UNC13C: variants seen among roughly 807,000 people sequenced by gnomAD.
UNC13C encodes the protein unc-13 homolog C, also known as protein unc-13 homolog C.
A neutral mutation model predicts 245.4 loss-of-function variants in UNC13C; 174 were observed. The ratio of observed to expected loss-of-function variants is 0.71; its 90% CI spans 0.63 to 0.80. UNC13C has a LOEUF of 0.80. Ranked by LOEUF, UNC13C falls within the 30% of genes least tolerant of loss-of-function variation. UNC13C has a pLI of 0.00. For synonymous variants in UNC13C, 992 were observed against 895.1 expected (o/e 1.11, Z -1.93); for missense variants, 2,829 against 2,602.9 (o/e 1.09, Z -1.89).
intron 16 of UNC13C, among the ~76,000 whole-genome samples, chr15:54,337,528 C>T (rs1207721352): frequency 2.0e-5 from 3 of 152,130 alleles, no homozygotes; most frequent in African/African-American, 7.2e-5. Context: ...CTGGAGTCAG[C>T]TCTCACACCA....
chr15:53,966,652 T>G, the UNC13C span, among the ~76,000 whole-genome samples: 3 of 151,396 alleles, frequency 2.0e-5, no homozygotes, highest in Non-Finnish European at 3.0e-5. Context: ...TGACTTAATC[T>G]TTTTTTTTGT....
chr15:54,008,927 G>T (rs535908965), intron 1 of UNC13C, among the ~76,000 whole-genome samples: 1 of 152,116 alleles, frequency 6.6e-6, no homozygotes, highest in Non-Finnish European at 1.5e-5. Context: ...GCATAATAAT[G>T]CCTTTTTTAA....
chr15:54,456,574 G>A (rs1003123264), intron 19 of UNC13C, among the ~76,000 whole-genome samples: 1 of 149,062 alleles, frequency 6.7e-6, no homozygotes, highest in African/African-American at 2.5e-5. Flanking sequence ...TCTTTTGTTA[G>A]GTTTACTCCT....
chr15:54,518,649 A>C (rs1895082594), intron 24 of UNC13C, among the ~76,000 whole-genome samples: 1 of 152,222 alleles, frequency 6.6e-6, no homozygotes, highest in African/African-American at 2.4e-5. Flanking sequence ...TACTAAGCAG[A>C]ATAGTCCTCA....
rs1391791699 is a variant in UNC13C, at chr15:54,478,382, A to G, written c.4934-16226A>G. Among the ~76,000 whole-genome samples, 2 of 119,062 alleles carry G rather than the reference A, an allele frequency of 1.7e-5. 1 individual carries two copies. The highest frequency in any genetic ancestry group is 3.6e-5 in the Non-Finnish European group (2 of 56,152). 78.1% of individuals were successfully genotyped at this position (119,062 alleles called of 152,430 possible). A position where few individuals can be genotyped will look rare whatever the true frequency, so the allele number is the denominator to read the frequency against. On this transcript the variant is annotated intron_variant, in intron 19 of 32. Coordinates refer to ENST00000260323, the MANE Select transcript of UNC13C (RefSeq NM_001080534.3). ...TGAATTTGTTTGTTCTTGCTTTTCT[A>G]GTCCTTTTAATTGTGATATTAGGGT...
chr15:53,896,684 T>C, the UNC13C span, among the ~76,000 whole-genome samples: 8 of 152,280 alleles, frequency 5.3e-5, no homozygotes, highest in African/African-American at 1.9e-4. Flanking sequence ...AAAGTATTCA[T>C]GTTTCTCAGC....
intron 7 of UNC13C, among the ~76,000 whole-genome samples, chr15:54,241,675 G>A (rs2035854803): frequency 6.6e-6 from 1 of 152,198 alleles, no homozygotes; most frequent in African/African-American, 2.4e-5. Context: ...AATAGCTTAT[G>A]TAGAAAGCTC....
At chr15:53,853,047 T>A in the UNC13C span, among the ~76,000 whole-genome samples, 1 of 152,004 alleles carries the variant, frequency 6.6e-6, no homozygotes, top group African/African-American at 2.4e-5. Context: ...CAATGGTACA[T>A]GTGTAGGATG....
chr15:54,382,536 C>T (rs137883595), intron 17 of UNC13C, among the ~76,000 whole-genome samples: 59 of 151,998 alleles, frequency 3.9e-4, no homozygotes, highest in African/African-American at 1.4e-3. Context: ...AACATTGAGC[C>T]GTTGCCCTCC....
At chr15:54,232,925 G>A (rs1288440279) in intron 4 of UNC13C, among the ~76,000 whole-genome samples, 1 of 152,146 alleles carries the variant, frequency 6.6e-6, no homozygotes, top group Non-Finnish European at 1.5e-5. Context: ...TTTTGAATGT[G>A]GAAGGGTCAA....
chr15:54,331,934 A>G (rs2038446899), intron 14 of UNC13C, 109 bp from the exon 15 acceptor site: 1 of 647,068 alleles, frequency 1.5e-6, no homozygotes, highest in South Asian at 3.0e-5. Flanking sequence ...AGTCATTGAT[A>G]TATTTGATCC....
Position 54,015,859 on chromosome 15 carries a change from G to A in UNC13C, c.2956G>A (p.Glu986Lys). Reference protein sequence around the residue: ...ALRAYKKQMAELEEKILAGDS... With the variant: ...ALRAYKKQMAKLEEKILAGDS... ...AAGGGCCTATAAAAAGCAAATGGCA[G>A]AGTTGGAAGAGAAGATCTTGGCTGG... Residue 986 changes from glutamate (E) to lysine (K), a missense_variant, in exon 2 of 33, where the codon GAG (glutamate) becomes AAG (lysine). Glu to Lys is a moderately conservative substitution (Grantham distance 56). Transcript: ENST00000260323. 1 of 1,596,266 alleles carries A rather than the reference G, an allele frequency of 6.3e-7. No individual in the cohort carries two copies. The highest frequency in any genetic ancestry group is 8.5e-7 in the Non-Finnish European group (1 of 1,172,806).
intron 4 of UNC13C, among the ~76,000 whole-genome samples, chr15:54,213,900 C>T (rs924558603): frequency 8.5e-5 from 13 of 152,056 alleles, no homozygotes; most frequent in Non-Finnish European, 1.5e-4. Flanking sequence ...CAGAAGTTTA[C>T]CAGCCAAAGG....
chr15:54,229,571 A>G (rs762063824), intron 4 of UNC13C, among the ~76,000 whole-genome samples: 1 of 152,218 alleles, frequency 6.6e-6, no homozygotes, highest in Non-Finnish European at 1.5e-5. Flanking sequence ...TACATTGTGA[A>G]ATGGCAAAAT....
At chr15:54,227,135 A>G (rs956634407) in intron 4 of UNC13C, among the ~76,000 whole-genome samples, 14 of 152,122 alleles carry the variant, frequency 9.2e-5, no homozygotes, top group African/African-American at 2.9e-4. Flanking sequence ...TGTTTTCAGG[A>G]GACCCAAAGT....
intron 16 of UNC13C, among the ~76,000 whole-genome samples, chr15:54,337,777 T>C (rs1009146079): frequency 2.6e-5 from 4 of 152,204 alleles, no homozygotes; most frequent in African/African-American, 7.2e-5. Flanking sequence ...TTTGCTCTTA[T>C]GCTTAAACTA....
chr15:54,151,748 A>G (rs1016102152), intron 4 of UNC13C, among the ~76,000 whole-genome samples: 1 of 152,044 alleles, frequency 6.6e-6, no homozygotes, highest in Non-Finnish European at 1.5e-5. Context: ...GATGCACACA[A>G]TGGTTCTACT....
intron 19 of UNC13C, among the ~76,000 whole-genome samples, chr15:54,433,533 C>A (rs181629155): frequency 9.3e-4 from 141 of 151,898 alleles, no homozygotes; most frequent in Non-Finnish European, 1.4e-3. Flanking sequence ...AAATTCAATA[C>A]CCCTTCATGC....
chr15:53,917,575 G>A, the UNC13C span, among the ~76,000 whole-genome samples: 1 of 152,108 alleles, frequency 6.6e-6, no homozygotes, highest in Admixed American at 6.6e-5. Context: ...TGAAAATTTT[G>A]GATTTAGAGT....
Sources: allele counts gnomAD v4.1 joint callset (sites outside exome capture counted in the v4.1 genomes callset), GRCh38; gene constraint gnomAD v4.1.1; transcripts MANE v1.5; gene names NCBI Gene and HGNC (gene_info 2026-07-23, HGNC 2026-07-21).